Variants in RARS2 observed in about 807,000 individuals in gnomAD.
RARS2 encodes probable arginine--tRNA ligase, mitochondrial.
In RARS2, 67 loss-of-function variants were observed where a neutral mutation model predicts 88.5. The observed-to-expected ratio is 0.76, with a 90% confidence interval of 0.62 to 0.93. The LOEUF is 0.93. Ranked by LOEUF, RARS2 falls within the 40% of genes least tolerant of loss-of-function variation. The pLI is 0.00. For synonymous variants in RARS2, 239 were observed against 230.3 expected (o/e 1.04, Z -0.34); for missense variants, 664 against 684.2 (o/e 0.97, Z 0.33).
At position 87,589,978 on chromosome 6, in the gene RARS2, G is replaced by C. The variant is rs778791944; in HGVS notation, c.-21C>G. On this transcript the variant is annotated 5_prime_UTR_variant, in exon 1 of 20. Transcript: ENST00000369536. ...GCCATGTCCACCTCTACGGAAGTGC[G>C]CCGCAGTCCGCCAGTTCCGGCCTCG... is the stretch of plus-strand genomic sequence containing the variant. 1.9e-6 allele frequency: 3 copies of C among 1,614,072 alleles called. No individual in the cohort carries two copies. The highest frequency in any genetic ancestry group is 2.7e-5 in the African/African-American group (2 of 74,944).
chr6:87,517,738 T>A (rs902344909), intron 17 of RARS2, among the ~76,000 whole-genome samples: 1 of 152,184 alleles, frequency 6.6e-6, no homozygotes, highest in Non-Finnish European at 1.5e-5. Context: ...GAGCATCACA[T>A]ACATATATGT....
chr6:87,562,633 G>A, intron 4 of RARS2, 69 bp downstream of exon 4: 1 of 1,198,714 alleles, frequency 8.3e-7, no homozygotes, highest in Non-Finnish European at 1.2e-6. Flanking sequence ...TTTAAAAACT[G>A]GAGGAAGACC....
At chr6:87,566,562 G>A (rs1459927718) in intron 2 of RARS2, among the ~76,000 whole-genome samples, 1 of 152,136 alleles carries the variant, frequency 6.6e-6, no homozygotes. Flanking sequence ...CTGTGGATGA[G>A]GAGAGCCCAA....
intron 8 of RARS2, among the ~76,000 whole-genome samples, chr6:87,539,317 G>A (rs1179444872): frequency 6.6e-6 from 1 of 152,116 alleles, no homozygotes; most frequent in Admixed American, 6.5e-5. Flanking sequence ...TCTAATTAAG[G>A]ACAAATAGTG....
At chr6:87,544,525 C>T (rs9444514) in intron 7 of RARS2, among the ~76,000 whole-genome samples, 50,795 of 152,044 alleles carry the variant, frequency 0.33, 8,578 homozygotes, top group Admixed American at 0.42. Context: ...AGAAGATGGG[C>T]AAGGGTGTGT....
intron 1 of RARS2, among the ~76,000 whole-genome samples, chr6:87,579,715 GTTTTTTTTTT>G (rs35014020): frequency 9.9e-5 from 6 of 60,470 alleles, no homozygotes; most frequent in African/African-American, 4.0e-4. Flanking sequence ...CATAGAGCAT[GTTTTTTTTTT>G]TTTTTTTTTT....
chr6:87,517,132 G>A (rs1772029529), intron 17 of RARS2, among the ~76,000 whole-genome samples: 1 of 152,236 alleles, frequency 6.6e-6, no homozygotes, highest in Middle Eastern at 3.4e-3. Flanking sequence ...ACAAAAATTA[G>A]CCAGGTGTGG....
At chr6:87,517,016 C>A in intron 17 of RARS2, 136 bp from the exon 18 acceptor site, 1 of 1,331,300 alleles carries the variant, frequency 7.5e-7, no homozygotes, top group Non-Finnish European at 1.0e-6. Flanking sequence ...CAGTGTCTCA[C>A]GTCTGTAATC....
At chr6:87,554,875 G>A (rs992396927) in intron 5 of RARS2, among the ~76,000 whole-genome samples, 1 of 152,040 alleles carries the variant, frequency 6.6e-6, no homozygotes, top group Non-Finnish European at 1.5e-5. Context: ...GGCTGAGATG[G>A]GCAGATCACG....
chr6:87,563,330 T>C (rs1788450013), intron 3 of RARS2, among the ~76,000 whole-genome samples: 1 of 152,226 alleles, frequency 6.6e-6, no homozygotes, highest in Non-Finnish European at 1.5e-5. Context: ...GTCTTTATTT[T>C]TAAGAACTTA....
rs1182306636 is a variant in RARS2 at position 87,514,277 on chromosome 6, C to T, written c.*136G>A. On this transcript the variant is annotated 3_prime_UTR_variant, in exon 20 of 20. Coordinates refer to ENST00000369536, the MANE Select transcript of RARS2 (RefSeq NM_020320.5). ...AGTGAGCCAACATCACACCATTGCA[C>T]TCCAGCCTGGGCAACAAGAGCGAAA... is the stretch of plus-strand genomic sequence containing the variant. The T allele has an allele frequency of 8.9e-6, 5 of 563,356 alleles. No homozygotes were observed. In the East Asian group the frequency reaches 1.9e-4, roughly 21 times the overall value. The allele number at this position is 563,356 out of a possible 1,614,324, so 34.9% of individuals were successfully genotyped here.
intron 10 of RARS2, among the ~76,000 whole-genome samples, chr6:87,528,243 A>C (rs1260725983): frequency 3.2e-5 from 1 of 31,038 alleles, no homozygotes; most frequent in Non-Finnish European, 5.3e-5. Context: ...CTTTTATAAC[A>C]AAAAAAAAAA....
chr6:87,577,970 T>G (rs570271739), intron 1 of RARS2, among the ~76,000 whole-genome samples: 3 of 152,308 alleles, frequency 2.0e-5, no homozygotes, highest in Admixed American at 2.0e-4. Context: ...ACAAAACTAC[T>G]TTTAACATTT....
rs1275788621 is a variant in RARS2 at position 87,515,040 on chromosome 6, A to G, written c.1587-20T>C. ...AGATGACTGAAACAGGAAGAGAGAA[A>G]TCACGATAGTACCAGCAGTAATTTC... On this transcript the variant is annotated intron_variant, in intron 18 of 19. Transcript: ENST00000369536. The G allele has an allele frequency of 3.8e-6, 6 of 1,587,700 alleles. No individual in the cohort carries two copies. The highest frequency in any genetic ancestry group is 1.3e-5 in the African/African-American group (1 of 74,368).
chr6:87,572,963 T>C (rs930200181), intron 1 of RARS2, among the ~76,000 whole-genome samples: 1 of 152,304 alleles, frequency 6.6e-6, no homozygotes, highest in Middle Eastern at 3.4e-3. Flanking sequence ...GGAATGAAGT[T>C]TTCCTGAAAG....
chr6:87,519,849 GTATGCTAC>G, intron 13 of RARS2, 142 bp from the exon 14 acceptor site: 1 of 1,008,308 alleles, frequency 9.9e-7, no homozygotes, highest in African/African-American at 1.6e-5. Flanking sequence ...GATGTGATTT[GTATGCTAC>G]AAAGGACGTT....
At chr6:87,579,917 A>C (rs942791286) in intron 1 of RARS2, among the ~76,000 whole-genome samples, 2 of 151,528 alleles carry the variant, frequency 1.3e-5, no homozygotes, top group Non-Finnish European at 2.9e-5. Flanking sequence ...TAATTTTTGT[A>C]TTTTTAGTAG....
chr6:87,555,029 A>G (rs1235628209), intron 5 of RARS2, among the ~76,000 whole-genome samples: 4 of 151,910 alleles, frequency 2.6e-5, no homozygotes, highest in Non-Finnish European at 5.9e-5. Context: ...GCGTGAACCC[A>G]GGAGGTGGAG....
At chr6:87,533,396 C>T (rs1295516883) in intron 8 of RARS2, among the ~76,000 whole-genome samples, 1 of 152,122 alleles carries the variant, frequency 6.6e-6, no homozygotes, top group East Asian at 1.9e-4. Flanking sequence ...TCCCAATATA[C>T]CTATAAATGC....
Sources: allele counts gnomAD v4.1 joint callset (sites outside exome capture counted in the v4.1 genomes callset), GRCh38; gene constraint gnomAD v4.1.1; transcripts MANE v1.5; gene names NCBI Gene and HGNC (gene_info 2026-07-23, HGNC 2026-07-21).